Variants in LRRC40 observed in about 807,000 individuals in gnomAD.
The protein encoded by LRRC40 is leucine-rich repeat-containing protein 40.
A neutral mutation model predicts 72.8 loss-of-function variants in LRRC40; 76 were observed. The observed-to-expected ratio is 1.04, with a 90% confidence interval of 0.87 to 1.26. The LOEUF (loss-of-function observed/expected upper bound fraction) is 1.26. Ranked by LOEUF, LRRC40 falls within the 50% of genes most tolerant of loss-of-function variation. The probability of loss-of-function intolerance (pLI) is 0.00; values close to 1 mark genes in which losing one functional copy is unlikely to be tolerated. For missense variants in LRRC40, 684 were observed against 698.9 expected, an observed-to-expected ratio of 0.98 and a Z score of 0.24; for synonymous variants, 243 against 254.2, an observed-to-expected ratio of 0.96 and a Z score of 0.42.
intron 10 of LRRC40, among the ~76,000 whole-genome samples, chr1:70,157,935 C>T (rs1464641035): frequency 2.6e-5 from 4 of 151,462 alleles, no homozygotes; most frequent in African/African-American, 9.7e-5. Flanking sequence ...GAGGCCCCAT[C>T]TCTACAAAAA....
chr1:70,195,335 T>C (rs932411058), intron 1 of LRRC40, among the ~76,000 whole-genome samples: 1 of 149,144 alleles, frequency 6.7e-6, no homozygotes, highest in Non-Finnish European at 1.5e-5. Context: ...ATCTCAAATA[T>C]ATACAAAGTC....
chr1:70,195,425 G>C (rs551813000), intron 1 of LRRC40, among the ~76,000 whole-genome samples: 57 of 149,392 alleles, frequency 3.8e-4, no homozygotes, highest in African/African-American at 1.4e-3. Flanking sequence ...ATATATAAAT[G>C]GCTAAAAGGC....
chr1:70,151,542 A>C (rs1209483621), intron 12 of LRRC40, among the ~76,000 whole-genome samples: 1 of 152,080 alleles, frequency 6.6e-6, no homozygotes, highest in Non-Finnish European at 1.5e-5. Flanking sequence ...AATACCACAT[A>C]AATATTCCAT....
In LRRC40 at chr1:70,151,235, C is replaced by T. The variant is rs201377481; in HGVS notation, c.1440-30G>A. On this transcript the variant is annotated intron_variant, in intron 12 of 14. Transcript: ENST00000370952. ...ATTGGAAATCAAAACAGAAGATTTA[C>T]AAAGTTTGAAAAATTTTACAAGTTT... 714 of 1,097,742 alleles carry T rather than the reference C, an allele frequency of 6.5e-4. 2 individuals carry two copies. The highest frequency in any genetic ancestry group is 8.8e-4 in the Non-Finnish European group (636 of 726,776). The allele number at this position is 1,097,742 out of a possible 1,614,324, so 68.0% of individuals were successfully genotyped here.
At chr1:70,161,506 G>C (rs531972279) in intron 9 of LRRC40, among the ~76,000 whole-genome samples, 1 of 149,264 alleles carries the variant, frequency 6.7e-6, no homozygotes, top group African/African-American at 2.5e-5. Flanking sequence ...GCAAGATCGC[G>C]CCACTGCACT....
At chr1:70,173,563 G>T in intron 8 of LRRC40, 53 bp from the exon 9 acceptor site, 1 of 1,505,182 alleles carries the variant, frequency 6.6e-7, no homozygotes, top group South Asian at 1.1e-5. Flanking sequence ...CAGTTTTACA[G>T]ATCAACATAT....
At chr1:70,146,595 AC>A (rs1380321805) in intron 14 of LRRC40, among the ~76,000 whole-genome samples, 1 of 152,198 alleles carries the variant, frequency 6.6e-6, no homozygotes, top group Non-Finnish European at 1.5e-5. Flanking sequence ...TGTGATTTGA[AC>A]CACCCTTTTA....
At chr1:70,204,944 G>T (rs568596816) in intron 1 of LRRC40, among the ~76,000 whole-genome samples, 4 of 152,178 alleles carry the variant, frequency 2.6e-5, no homozygotes, top group Admixed American at 2.6e-4. Flanking sequence ...GCATACAGAA[G>T]AGCGTCTCGG....
intron 5 of LRRC40, among the ~76,000 whole-genome samples, chr1:70,179,615 C>G (rs1278176026): frequency 6.6e-6 from 1 of 152,110 alleles, no homozygotes; most frequent in African/African-American, 2.4e-5. Flanking sequence ...ATTAATAACA[C>G]TGGATATTAG....
At chr1:70,184,360 T>G (rs1345416146) in intron 4 of LRRC40, among the ~76,000 whole-genome samples, 3 of 152,168 alleles carry the variant, frequency 2.0e-5, no homozygotes, top group African/African-American at 7.2e-5. Flanking sequence ...CCAGGAAGTG[T>G]GGCCATTCTG....
chr1:70,162,372 A>C (rs375212551), intron 9 of LRRC40, among the ~76,000 whole-genome samples: 2 of 152,140 alleles, frequency 1.3e-5, no homozygotes, highest in African/African-American at 4.8e-5. Context: ...AAAATGCCCC[A>C]AAGTGTGGTC....
chr1:70,159,711 C>T (rs1484093687), intron 9 of LRRC40, among the ~76,000 whole-genome samples: 1 of 152,106 alleles, frequency 6.6e-6, no homozygotes, highest in East Asian at 1.9e-4. Flanking sequence ...CATAGAATAA[C>T]TATGATGTAT....
intron 9 of LRRC40, among the ~76,000 whole-genome samples, chr1:70,165,341 C>A (rs1307643265): frequency 6.6e-6 from 1 of 152,164 alleles, no homozygotes; most frequent in African/African-American, 2.4e-5. Flanking sequence ...TTAATCACAA[C>A]CAAAACTTAA....
intron 9 of LRRC40, among the ~76,000 whole-genome samples, chr1:70,170,365 C>T (rs1471377230): frequency 6.6e-6 from 1 of 152,144 alleles, no homozygotes; most frequent in Non-Finnish European, 1.5e-5. Flanking sequence ...CTATTCAGTA[C>T]TGTCCTGGAG....
At chr1:70,204,952 C>CT (rs1668884661) in intron 1 of LRRC40, among the ~76,000 whole-genome samples, 1 of 151,830 alleles carries the variant, frequency 6.6e-6, no homozygotes, top group Non-Finnish European at 1.5e-5. Flanking sequence ...AAGAGCGTCT[C>CT]GGCAGGGAAC....
chr1:70,161,148 C>A (rs560367751), intron 9 of LRRC40, among the ~76,000 whole-genome samples: 89 of 150,392 alleles, frequency 5.9e-4, no homozygotes, highest in African/African-American at 2.1e-3. Context: ...AGTGCAGTGG[C>A]GCGATCTCGC....
intron 12 of LRRC40, 110 bp from the exon 13 acceptor site, chr1:70,151,315 A>T: frequency 1.6e-6 from 1 of 634,080 alleles, no homozygotes. Flanking sequence ...CAGTTTGTCA[A>T]TCCTTGATCT....
At chr1:70,172,520 G>T (rs543220844) in intron 9 of LRRC40, among the ~76,000 whole-genome samples, 1 of 152,150 alleles carries the variant, frequency 6.6e-6, no homozygotes, top group South Asian at 2.1e-4. Flanking sequence ...GCATATAACT[G>T]TAACTTCCAC....
intron 9 of LRRC40, among the ~76,000 whole-genome samples, chr1:70,166,360 A>G (rs1667879469): frequency 6.6e-6 from 1 of 152,102 alleles, no homozygotes; most frequent in South Asian, 2.1e-4. Flanking sequence ...AGCAACAAAT[A>G]AATAATAAAT....
Sources: allele counts gnomAD v4.1 joint callset (sites outside exome capture counted in the v4.1 genomes callset), GRCh38; gene constraint gnomAD v4.1.1; transcripts MANE v1.5; gene names NCBI Gene and HGNC (gene_info 2026-07-23, HGNC 2026-07-21).